AK8: variants seen among roughly 807,000 people sequenced by gnomAD.
AK8 encodes adenylate kinase 8, also known as ATP-AMP transphosphorylase 8.
In AK8, 44 loss-of-function variants were observed where a neutral mutation model predicts 54.6. The observed-to-expected ratio is 0.81, with a 90% CI of 0.63 to 1.04. The LOEUF (loss-of-function observed/expected upper bound fraction) is 1.04, where lower values mean the gene tolerates loss of function less well. AK8 is among the 50% of genes least tolerant of loss of function. The pLI is 0.00. For missense variants in AK8, 555 were observed against 613.6 expected (o/e 0.90, Z 1.01); for synonymous variants, 239 against 245.6 (o/e 0.97, Z 0.25).
At chr9:132,730,591 C>T (rs1836794713) in intron 11 of AK8, among the ~76,000 whole-genome samples, 1 of 152,090 alleles carries the variant, frequency 6.6e-6, no homozygotes, top group Admixed American at 6.5e-5. Flanking sequence ...ATGGTGGATG[C>T]CTATGCCCCT....
chr9:132,762,728 AC>A (rs1838540496), intron 11 of AK8, among the ~76,000 whole-genome samples: 1 of 152,028 alleles, frequency 6.6e-6, no homozygotes, highest in South Asian at 2.1e-4. Context: ...ATATGGAGAA[AC>A]CCTGTCTCTA....
At chr9:132,844,460 A>G (rs1440156792) in intron 5 of AK8, among the ~76,000 whole-genome samples, 1 of 152,206 alleles carries the variant, frequency 6.6e-6, no homozygotes, top group Non-Finnish European at 1.5e-5. Flanking sequence ...GCTAAATAAT[A>G]ATAATTACCA....
rs577725566 is a variant in AK8 at position 132,727,726 on chromosome 9, C to G, written c.1122-192G>C. On this transcript the variant is annotated intron_variant, in intron 11 of 12. Transcript: ENST00000298545. The stretch of plus-strand genomic sequence containing the variant: ...CAACCACTCCAGAGCCTGTGTCCCC[C>G]CAACCGCCTCCTTCATCTGACTCTC... 7.5e-6 allele frequency: 3 copies of G among 397,620 alleles called. No homozygotes were observed. The South Asian group carries it at 8.1e-5, about 11-fold the overall frequency. The allele number at this position is 397,620 out of a possible 1,614,324, so 24.6% of individuals were successfully genotyped here.
At chr9:132,858,179 T>C (rs1464920450) in intron 4 of AK8, among the ~76,000 whole-genome samples, 2 of 152,200 alleles carry the variant, frequency 1.3e-5, no homozygotes, top group Non-Finnish European at 2.9e-5. Context: ...CAGGACAGGC[T>C]GTGTTTGCTG....
rs1265267974 is a variant in AK8 at position 132,848,131 on chromosome 9, AAAAAAAAAAAAAG to A, written c.402+6713_402+6725del. 3.7e-4 allele frequency among the ~76,000 whole-genome samples: 54 copies of A among 146,154 alleles called. 1 individual carries two copies. In the South Asian group the frequency reaches 6.1e-3, roughly 17 times the overall value. On this transcript the variant is annotated intron_variant, in intron 5 of 12. Coordinates refer to ENST00000298545, the MANE Select transcript of AK8 (RefSeq NM_152572.3). ...ACCCTGTTTCAAAAAAAAAAAAAAA[AAAAAAAAAAAAAG>A]ATTGAAGAGAAGAAAGGAAGACTCC... is the stretch of plus-strand genomic sequence containing the variant.
At chr9:132,742,635 C>T (rs1272283316) in intron 11 of AK8, among the ~76,000 whole-genome samples, 1 of 152,228 alleles carries the variant, frequency 6.6e-6, no homozygotes, top group Non-Finnish European at 1.5e-5. Context: ...GCTCCTCACC[C>T]ACCTTACTTT....
At chr9:132,752,628 C>T (rs1373911411) in intron 11 of AK8, among the ~76,000 whole-genome samples, 3 of 151,724 alleles carry the variant, frequency 2.0e-5, no homozygotes, top group Non-Finnish European at 4.4e-5. Flanking sequence ...CCACACCCTG[C>T]CCCCACCTTG....
chr9:132,817,919 G>A (rs2809254), intron 9 of AK8, among the ~76,000 whole-genome samples: 114,105 of 152,096 alleles, frequency 0.75, 43,107 homozygotes, highest in South Asian at 0.86. Context: ...TCGATACATC[G>A]TAGTCAAATT....
chr9:132,741,454 A>T (rs186342880), intron 11 of AK8, among the ~76,000 whole-genome samples: 1 of 152,266 alleles, frequency 6.6e-6, no homozygotes, highest in African/African-American at 2.4e-5. Context: ...GCCAGTCAAG[A>T]TCCATTGGTC....
intron 11 of AK8, among the ~76,000 whole-genome samples, chr9:132,729,083 A>C (rs990358483): frequency 2.0e-5 from 3 of 152,004 alleles, no homozygotes; most frequent in Admixed American, 6.6e-5. Flanking sequence ...ATGGGGTCTC[A>C]CTATGTTGCC....
chr9:132,782,557 C>T (rs1274723871), intron 11 of AK8, among the ~76,000 whole-genome samples: 3 of 152,102 alleles, frequency 2.0e-5, no homozygotes, highest in Non-Finnish European at 4.4e-5. Flanking sequence ...GGCATGGTGG[C>T]ACGCGCCTGT....
intron 2 of AK8, among the ~76,000 whole-genome samples, chr9:132,872,312 A>T (rs559688171): frequency 1.3e-5 from 2 of 152,062 alleles, no homozygotes; most frequent in East Asian, 3.9e-4. Context: ...CTCCAGCCTG[A>T]GCAACAGAGA....
At chr9:132,756,135 C>A (rs1838179137) in intron 11 of AK8, among the ~76,000 whole-genome samples, 2 of 152,212 alleles carry the variant, frequency 1.3e-5, no homozygotes, top group Non-Finnish European at 2.9e-5. Context: ...GCCACCTTTA[C>A]AGACACTAAA....
chr9:132,758,898 T>C (rs1838318703), intron 11 of AK8, among the ~76,000 whole-genome samples: 1 of 152,116 alleles, frequency 6.6e-6, no homozygotes, highest in South Asian at 2.1e-4. Context: ...AATTCACTTA[T>C]TTACAGTGTA....
intron 11 of AK8, among the ~76,000 whole-genome samples, chr9:132,752,708 A>G (rs559368492): frequency 0.014 from 1,586 of 111,094 alleles, 47 homozygotes; most frequent in African/African-American, 0.069. Context: ...CAGGACATGG[A>G]CGCTGGCTGC....
chr9:132,844,065 C>A (rs1842643065), intron 5 of AK8, among the ~76,000 whole-genome samples: 1 of 152,022 alleles, frequency 6.6e-6, no homozygotes, highest in Non-Finnish European at 1.5e-5. Context: ...CTGAGCCTTT[C>A]CCCCCAAGTT....
intron 4 of AK8, 146 bp downstream of exon 4, chr9:132,863,519 C>G: frequency 3.2e-6 from 2 of 623,546 alleles, no homozygotes; most frequent in Non-Finnish European, 2.8e-6. Context: ...CCTTCACACC[C>G]TGCCTGTATC....
At chr9:132,816,370 AAAAG>A (rs1401029749) in intron 9 of AK8, among the ~76,000 whole-genome samples, 1 of 151,976 alleles carries the variant, frequency 6.6e-6, no homozygotes, top group Non-Finnish European at 1.5e-5. Flanking sequence ...AAAAAAAAGA[AAAAG>A]AAAGAAAAGA....
intron 2 of AK8, among the ~76,000 whole-genome samples, chr9:132,872,367 GAGA>G (rs1843883081): frequency 1.3e-5 from 2 of 150,088 alleles, no homozygotes; most frequent in Non-Finnish European, 3.0e-5. Flanking sequence ...ATAAAAAAAA[GAGA>G]AGAACACAGG....
Sources: allele counts gnomAD v4.1 joint callset (sites outside exome capture counted in the v4.1 genomes callset), GRCh38; gene constraint gnomAD v4.1.1; transcripts MANE v1.5; gene names NCBI Gene and HGNC (gene_info 2026-07-23, HGNC 2026-07-21).